SLC1A3: variants seen among roughly 807,000 people sequenced by gnomAD.
SLC1A3 encodes the protein solute carrier family 1 member 3.
SLC1A3 carries 21 observed loss-of-function variants against 48.1 expected under a neutral mutation model. The observed-to-expected ratio is 0.44, with a 90% CI of 0.31 to 0.63. The LOEUF is 0.63. Ranked by LOEUF, SLC1A3 falls within the 20% of genes least tolerant of loss-of-function variation. SLC1A3 has a pLI of 0.08. For missense variants in SLC1A3, 546 were observed against 689.0 expected (o/e 0.79, Z 2.32); for synonymous variants, 239 against 251.4 (o/e 0.95, Z 0.47).
intron 9 of SLC1A3, among the ~76,000 whole-genome samples, chr5:36,685,387 C>T (rs1402128523): frequency 1.3e-5 from 2 of 152,144 alleles, no homozygotes; most frequent in African/African-American, 4.8e-5. Context: ...AGTGATTCTC[C>T]TGCCTCAGCC....
intron 3 of SLC1A3, among the ~76,000 whole-genome samples, chr5:36,641,543 T>A (rs920857277): frequency 1.3e-5 from 2 of 152,126 alleles, no homozygotes; most frequent in African/African-American, 4.8e-5. Context: ...ATTATCAGCA[T>A]ACCTAAACTA....
intron 3 of SLC1A3, among the ~76,000 whole-genome samples, chr5:36,649,790 T>C (rs1396580196): frequency 6.6e-6 from 1 of 152,242 alleles, no homozygotes; most frequent in East Asian, 1.9e-4. Context: ...GTGTTTATTG[T>C]TGGTGTAGAG....
chr5:36,651,626 C>G (rs1741080578), intron 3 of SLC1A3, among the ~76,000 whole-genome samples: 1 of 145,422 alleles, frequency 6.9e-6, no homozygotes, highest in Non-Finnish European at 1.5e-5. Flanking sequence ...CCCTCCTTAC[C>G]CTCAGGTCTT....
chr5:36,608,809 T>C, intron 2 of SLC1A3: 1 of 1,362,114 alleles, frequency 7.3e-7, no homozygotes, highest in African/African-American at 1.5e-5. Flanking sequence ...TTAGGCATCA[T>C]TAGGCATTAT....
chr5:36,604,914 G>T (rs1026133040), upstream of SLC1A3, among the ~76,000 whole-genome samples: 1 of 149,202 alleles, frequency 6.7e-6, no homozygotes, highest in African/African-American at 2.4e-5. Flanking sequence ...GGTGGGGGGG[G>T]GGGGTGTGCA....
At chr5:36,636,121 T>C (rs1284475752) in intron 3 of SLC1A3, 3 of 150,624 alleles carry the variant, frequency 2.0e-5, no homozygotes, top group Non-Finnish European at 4.4e-5. Context: ...AGTCTAGCTA[T>C]ACCAAAAAGA....
intron 4 of SLC1A3, among the ~76,000 whole-genome samples, chr5:36,672,056 G>C (rs114507045): frequency 6.6e-6 from 1 of 152,164 alleles, no homozygotes; most frequent in Non-Finnish European, 1.5e-5. Flanking sequence ...CGATGGTAAG[G>C]CCTCAAAGCC....
chr5:36,618,013 C>T (rs1281670614), intron 2 of SLC1A3, among the ~76,000 whole-genome samples: 1 of 152,146 alleles, frequency 6.6e-6, no homozygotes, highest in East Asian at 1.9e-4. Flanking sequence ...GAGTTAGCCT[C>T]GGTACTGTAC....
chr5:36,653,174 C>T (rs1741152800), intron 3 of SLC1A3, among the ~76,000 whole-genome samples: 1 of 152,120 alleles, frequency 6.6e-6, no homozygotes, highest in South Asian at 2.1e-4. Context: ...AAACTGCATC[C>T]CCTGCCATCA....
At chr5:36,607,040 T>TAA (rs5867331) in intron 1 of SLC1A3, 51 of 149,780 alleles carry the variant, frequency 3.4e-4, no homozygotes, top group South Asian at 6.4e-4. Context: ...GCTATTAGTT[T>TAA]AAAAAAAAAA....
intron 3 of SLC1A3, chr5:36,667,733 C>T (rs977222854): frequency 2.6e-5 from 4 of 152,162 alleles, no homozygotes; most frequent in African/African-American, 9.7e-5. Context: ...AACACACACA[C>T]AAATGTGTCA....
At chr5:36,608,304 C>A in intron 1 of SLC1A3, 25 bp from the exon 2 acceptor site, 1 of 892,692 alleles carries the variant, frequency 1.1e-6, no homozygotes, top group South Asian at 1.5e-5. Context: ...GGCTATAACT[C>A]ATGTCTCTTT....
rs546173343 is a variant in SLC1A3, at chr5:36,653,906, C to T, written c.320-17123C>T. On this transcript the variant is annotated intron_variant, in intron 3 of 9. Transcript: ENST00000265113. ...TCGCCCAGACTGGAGTGCAGTGGTG[C>T]GATCTTGGCTCACTGCAACCTTCGC... is the stretch of plus-strand genomic sequence containing the variant. Among the ~76,000 whole-genome samples the T allele has an allele frequency of 8.5e-5, 13 of 152,320 alleles. No individual in the cohort carries two copies. In the South Asian group the frequency reaches 1.7e-3, roughly 19 times the overall value.
At chr5:36,605,094 C>T (rs896158442), upstream of SLC1A3, among the ~76,000 whole-genome samples, 5 of 152,246 alleles carry the variant, frequency 3.3e-5, no homozygotes, top group Admixed American at 3.3e-4. Flanking sequence ...TGTTTCACAT[C>T]CTAATATTAT....
intron 3 of SLC1A3, among the ~76,000 whole-genome samples, chr5:36,635,558 T>C (rs1740306956): frequency 6.6e-6 from 1 of 151,904 alleles, no homozygotes; most frequent in South Asian, 2.1e-4. Context: ...AATTCCTACC[T>C]CATTACTGGA....
intron 3 of SLC1A3, among the ~76,000 whole-genome samples, chr5:36,634,011 C>T (rs1740236211): frequency 6.6e-6 from 1 of 152,218 alleles, no homozygotes; most frequent in Non-Finnish European, 1.5e-5. Flanking sequence ...CGTCGTGGCT[C>T]ATGCCTGTAA....
chr5:36,606,589 T>C (rs373419132), upstream of SLC1A3: 2 of 152,316 alleles, frequency 1.3e-5, no homozygotes, highest in South Asian at 4.1e-4. Context: ...GTTGCCCTGA[T>C]AGTAACTTGC....
chr5:36,633,574 T>A (rs1445988622), intron 3 of SLC1A3, among the ~76,000 whole-genome samples: 1 of 152,194 alleles, frequency 6.6e-6, no homozygotes, highest in Non-Finnish European at 1.5e-5. Flanking sequence ...CCCAAGAAGA[T>A]GTATGTTGGG....
intron 3 of SLC1A3, chr5:36,670,713 C>CCTAGGA (rs1741954597): frequency 4.7e-6 from 2 of 423,286 alleles, no homozygotes. Context: ...CCCCAACTAA[C>CCTAGGA]AGTAACCTAG....
Sources: gnomAD v4.1 joint callset for allele counts (sites outside exome capture counted in the v4.1 genomes callset) on GRCh38, gnomAD v4.1.1 for gene constraint, MANE v1.5 for transcripts, NCBI Gene and HGNC (gene_info 2026-07-23, HGNC 2026-07-21) for gene names.